ALG6: variants seen among roughly 807,000 people sequenced by gnomAD.
The protein encoded by ALG6 is dolichyl pyrophosphate Man9GlcNAc2 alpha-1,3-glucosyltransferase.
Under a neutral mutation model 66.6 loss-of-function variants are expected in ALG6, and 46 were observed. The observed-to-expected ratio is 0.69, with a 90% confidence interval of 0.55 to 0.88. ALG6 has a LOEUF of 0.88. ALG6 is among the 40% of genes least tolerant of loss of function. The pLI is 0.00. For synonymous variants in ALG6, 185 were observed against 203.7 expected, an observed-to-expected ratio of 0.91 and a Z score of 0.78; for missense variants, 505 against 586.8, an observed-to-expected ratio of 0.86 and a Z score of 1.44.
intron 12 of ALG6, among the ~76,000 whole-genome samples, chr1:63,426,850 A>AT (rs1644617670): frequency 6.6e-6 from 1 of 151,842 alleles, no homozygotes; most frequent in African/African-American, 2.4e-5. Flanking sequence ...GCTGTAATAC[A>AT]TTTTTTGTCA....
At chr1:63,428,500 T>C (rs528514328) in intron 12 of ALG6, 13 of 364,484 alleles carry the variant, frequency 3.6e-5, no homozygotes, top group African/African-American at 2.7e-4. Flanking sequence ...AACGGCATAC[T>C]GGAAGCAGCA....
At chr1:63,425,172 G>GA (rs1412703602) in intron 12 of ALG6, among the ~76,000 whole-genome samples, 4 of 152,170 alleles carry the variant, frequency 2.6e-5, no homozygotes, top group Non-Finnish European at 5.9e-5. Flanking sequence ...AACTGGTAGA[G>GA]AAAATGGGGT....
At chr1:63,371,309 T>C in intron 2 of ALG6, 1 of 478,244 alleles carries the variant, frequency 2.1e-6, no homozygotes, top group East Asian at 4.0e-5. Flanking sequence ...AATTGAGAAA[T>C]GATTCTGTAT....
Position 63,422,268 on chromosome 1 carries a change from AAT to A in ALG6, c.1058+2838_1058+2839del, listed in dbSNP as rs1314470493. On this transcript the variant is annotated intron_variant, in intron 12 of 14. Coordinates refer to ENST00000263440, the MANE Select transcript of ALG6 (RefSeq NM_013339.4). ...AAATATATATATTTATATAGATATA[AAT>A]ATATATATAAATATATATATTTATA... 8.8e-4 allele frequency among the ~76,000 whole-genome samples: 44 copies of A among 49,880 alleles called. 3 individuals are homozygous for A. The highest frequency in any genetic ancestry group is 1.2e-3 in the South Asian group (2 of 1,666). 32.7% of individuals were successfully genotyped at this position (49,880 alleles called of 152,430 possible).
chr1:63,419,919 A>T (rs1279830875), intron 12 of ALG6, among the ~76,000 whole-genome samples: 1 of 152,178 alleles, frequency 6.6e-6, no homozygotes, highest in East Asian at 1.9e-4. Context: ...TAGAAGCATT[A>T]AATTTTTTTC....
intron 2 of ALG6, among the ~76,000 whole-genome samples, chr1:63,380,964 G>A (rs1648279596): frequency 6.6e-6 from 1 of 152,178 alleles, no homozygotes; most frequent in Non-Finnish European, 1.5e-5. Flanking sequence ...AAGGCATCTT[G>A]TAGATGGCTA....
At chr1:63,382,655 G>GTTTT (rs1388211782) in intron 2 of ALG6, among the ~76,000 whole-genome samples, 1 of 81,228 alleles carries the variant, frequency 1.2e-5, no homozygotes, top group Admixed American at 1.5e-4. Flanking sequence ...TTTTTTGTTT[G>GTTTT]TTTTTTTTTG....
chr1:63,372,947 C>T (rs1348149181), intron 2 of ALG6, among the ~76,000 whole-genome samples: 2 of 150,564 alleles, frequency 1.3e-5, no homozygotes, highest in African/African-American at 4.9e-5. Context: ...CATGAGCCAC[C>T]GTGCCTGGCC....
chr1:63,402,601 G>A (rs1332140113), intron 4 of ALG6, among the ~76,000 whole-genome samples: 3 of 150,862 alleles, frequency 2.0e-5, no homozygotes, highest in Admixed American at 6.6e-5. Flanking sequence ...TGAGTAGCTG[G>A]GAGTACAGGT....
At chr1:63,434,113 G>A (rs1282917230) in intron 14 of ALG6, among the ~76,000 whole-genome samples, 2 of 152,120 alleles carry the variant, frequency 1.3e-5, no homozygotes, top group Non-Finnish European at 2.9e-5. Context: ...TCTTATAATG[G>A]GACTAGAATC....
chr1:63,372,908 T>G (rs1350276061), intron 2 of ALG6, among the ~76,000 whole-genome samples: 2 of 151,738 alleles, frequency 1.3e-5, no homozygotes, highest in African/African-American at 4.8e-5. Context: ...TCTGCCTGCC[T>G]CGGCCTCCTG....
Position 63,400,294 on chromosome 1 carries a change from T to C in ALG6, c.168-1960T>C, listed in dbSNP as rs752371577. Among the ~76,000 whole-genome samples, 131 of 20,810 alleles carry C rather than the reference T, an allele frequency of 6.3e-3. 32 individuals carry two copies. The highest frequency in any genetic ancestry group is 0.036 in the Middle Eastern group (1 of 28). 13.7% of individuals were successfully genotyped at this position (20,810 alleles called of 152,430 possible). On this transcript the variant is annotated intron_variant, in intron 3 of 14. Transcript: ENST00000263440. ...GTATATATATATACGTATATATATA[T>C]ACGTATATATATGTATATATATATA...
At chr1:63,399,911 G>A (rs12068516) in intron 3 of ALG6, among the ~76,000 whole-genome samples, 3,521 of 151,676 alleles carry the variant, frequency 0.023, 135 homozygotes, top group African/African-American at 0.081. Context: ...TATATCTAAA[G>A]TAAGGCCGGG....
intron 12 of ALG6, among the ~76,000 whole-genome samples, chr1:63,426,248 G>A (rs1644615018): frequency 6.6e-6 from 1 of 152,092 alleles, no homozygotes; most frequent in African/African-American, 2.4e-5. Flanking sequence ...GGTGGAGAGA[G>A]GGAGAACTGG....
chr1:63,406,049 G>A (rs949905670), intron 5 of ALG6, among the ~76,000 whole-genome samples: 1 of 152,030 alleles, frequency 6.6e-6, no homozygotes, highest in African/African-American at 2.4e-5. Flanking sequence ...TTAAGTCCAA[G>A]TTAGAGCAAA....
At position 63,418,316 on chromosome 1, in the gene ALG6, AAAT is replaced by A. The variant is rs1017559628; in HGVS notation, c.988-1046_988-1044del. On this transcript the variant is annotated intron_variant, in intron 11 of 14. Coordinates refer to ENST00000263440, the MANE Select transcript of ALG6 (RefSeq NM_013339.4). ...ATATTTAATAAATTATTAAATTATT[AAAT>A]AATAATATTTATAAATATTAAATAT... is the stretch of plus-strand genomic sequence containing the variant. 1.5e-4 allele frequency among the ~76,000 whole-genome samples: 22 copies of A among 147,924 alleles called. No homozygotes were observed. In the South Asian group the frequency reaches 3.4e-3, roughly 23 times the overall value.
chr1:63,370,952 C>G lies in ALG6; in HGVS notation c.-26C>G. ...TACTCTGGCACTGGTGCTGTGTTTT[C>G]TTCCCCTCCCTAAATTTGAAGAACT... On this transcript the variant is annotated 5_prime_UTR_variant, in exon 2 of 15. Transcript: ENST00000263440. 8 of 1,459,880 alleles carry G rather than the reference C, an allele frequency of 5.5e-6. No homozygotes were observed. The highest frequency in any genetic ancestry group is 7.7e-6 in the Non-Finnish European group (8 of 1,039,278). The allele number at this position is 1,459,880 out of a possible 1,614,324, so 90.4% of individuals were successfully genotyped here. A position where few individuals can be genotyped will look rare whatever the true frequency, so the allele number is the denominator to read the frequency against.
intron 14 of ALG6, among the ~76,000 whole-genome samples, chr1:63,432,558 C>T (rs1286070092): frequency 6.6e-6 from 1 of 152,192 alleles, no homozygotes; most frequent in Non-Finnish European, 1.5e-5. Context: ...AGGTCAAGAA[C>T]TCTGCATTTT....
intron 12 of ALG6, among the ~76,000 whole-genome samples, chr1:63,421,519 C>T (rs1172923359): frequency 1.3e-5 from 2 of 152,132 alleles, no homozygotes; most frequent in Non-Finnish European, 2.9e-5. Flanking sequence ...AATCCCATTA[C>T]TGGGTATATA....
Sources: allele counts gnomAD v4.1 joint callset (sites outside exome capture counted in the v4.1 genomes callset), GRCh38; gene constraint gnomAD v4.1.1; transcripts MANE v1.5; gene names NCBI Gene and HGNC (gene_info 2026-07-23, HGNC 2026-07-21).